TMIGD3: variants seen among roughly 807,000 people sequenced by gnomAD.
TMIGD3 encodes transmembrane and immunoglobulin domain containing 3, also known as AD026 protein (AD026).
In TMIGD3, 21 loss-of-function variants were observed where a neutral mutation model predicts 28.1. The ratio of observed to expected loss-of-function variants is 0.75; its 90% CI spans 0.53 to 1.08. The LOEUF (loss-of-function observed/expected upper bound fraction) is 1.08, where lower values mean the gene tolerates loss of function less well. TMIGD3 is among the 50% of genes least tolerant of loss of function. TMIGD3 has a pLI of 0.00. For missense variants in TMIGD3, 416 were observed against 435.6 expected (o/e 0.96, Z 0.40); for synonymous variants, 151 against 162.1 (o/e 0.93, Z 0.52).
At chr1:111,515,756 G>T (rs1655841058) in intron 1 of TMIGD3, among the ~76,000 whole-genome samples, 2 of 152,202 alleles carry the variant, frequency 1.3e-5, no homozygotes, top group Non-Finnish European at 2.9e-5. Flanking sequence ...ACTGCGGCTG[G>T]TGGAGGGGGC....
chr1:111,510,325 A>G (rs1280086692), intron 1 of TMIGD3, among the ~76,000 whole-genome samples: 4 of 152,098 alleles, frequency 2.6e-5, no homozygotes, highest in African/African-American at 9.7e-5. Context: ...TCTGCTTTGT[A>G]TGAAAGGTTA....
chr1:111,531,058 G>C (rs1656441926), intron 1 of TMIGD3, among the ~76,000 whole-genome samples: 2 of 152,146 alleles, frequency 1.3e-5, no homozygotes, highest in Admixed American at 6.5e-5. Flanking sequence ...CAGATAGGTT[G>C]CTTGAGCTCA....
Position 111,529,364 on chromosome 1 carries a change from CT to C in TMIGD3, c.107+34481del, listed in dbSNP as rs201030727. 7.1e-3 allele frequency among the ~76,000 whole-genome samples: 965 copies of C among 135,622 alleles called. 8 individuals are homozygous for C. Among genetic ancestry groups the C allele is most frequent in the African/African-American group, 0.023 (899 of 39,712 alleles). 89.0% of individuals were successfully genotyped at this position (135,622 alleles called of 152,430 possible). On this transcript the variant is annotated intron_variant, in intron 1 of 5. Transcript: ENST00000369717. ...TCAACCCCATGGATACAATTTCTTT[CT>C]TTCTTTCTTTCTTTTTTTTTTAATT...
intron 1 of TMIGD3, among the ~76,000 whole-genome samples, chr1:111,553,630 C>T (rs1484185180): frequency 6.6e-6 from 1 of 152,192 alleles, no homozygotes; most frequent in Non-Finnish European, 1.5e-5. Flanking sequence ...CTCCTTCCTA[C>T]CTACTCAGCT....
chr1:111,500,478 C>T, intron 1 of TMIGD3: 1 of 1,614,154 alleles, frequency 6.2e-7, no homozygotes, highest in Non-Finnish European at 8.5e-7. Context: ...ACATGGGGGT[C>T]AATCCCACCA....
In TMIGD3 at chr1:111,500,441, C is replaced by T. The variant is rs1303350527; in HGVS notation, c.350+2564G>A. 3 of 1,614,204 alleles carry T rather than the reference C, an allele frequency of 1.9e-6. No individual in the cohort carries two copies. The East Asian group carries it at 6.7e-5, about 36-fold the overall frequency. ...AGGAAGGTGACATTTCTGTGGTACT[C>T]TGAGGTCAGTTTCATGTTCCAGCCA... On this transcript the variant is annotated intron_variant, in intron 1 of 5. Transcript: ENST00000369716.
In TMIGD3 at chr1:111,503,076, A is replaced by T; in HGVS notation, c.279T>A (p.Phe93Leu). Residue 93 changes from phenylalanine (F) to leucine (L), a missense_variant, in exon 1 of 6, where the codon TTT becomes TTA. Transcript: ENST00000369716. ...GCAAGGACATGATGGAGGCGTGGGT[A>T]AAGATAAGCAGTAGGCAAGTCATAA... ...CLFMTCLLLI[F>L]THASIMSLLA... The T allele has an allele frequency of 6.2e-7, 1 of 1,614,204 alleles. No homozygotes were observed. The highest frequency in any genetic ancestry group is 8.5e-7 in the Non-Finnish European group (1 of 1,180,028).
chr1:111,499,772 A>G, intron 1 of TMIGD3: 1 of 1,430,730 alleles, frequency 7.0e-7, no homozygotes, highest in South Asian at 1.5e-5. Context: ...GGAAAAATGA[A>G]GTGGAGGAAG....
At chr1:111,529,863 C>T (rs1352736998) in intron 1 of TMIGD3, among the ~76,000 whole-genome samples, 4 of 152,028 alleles carry the variant, frequency 2.6e-5, no homozygotes, top group East Asian at 3.9e-4. Flanking sequence ...CATCATGGCC[C>T]GTTCTCAATG....
At chr1:111,500,234 C>G (rs910703871) in intron 1 of TMIGD3, 6 of 1,614,150 alleles carry the variant, frequency 3.7e-6, no homozygotes, top group Non-Finnish European at 5.1e-6. Context: ...GTCTTGAACT[C>G]CCGTCCATAA....
intron 1 of TMIGD3, among the ~76,000 whole-genome samples, chr1:111,496,484 C>T (rs1317867376): frequency 3.9e-5 from 6 of 152,226 alleles, no homozygotes; most frequent in Admixed American, 3.9e-4. Flanking sequence ...AAACCCAACT[C>T]AGTGCAAACA....
chr1:111,498,042 C>T (rs1654974719), intron 1 of TMIGD3, among the ~76,000 whole-genome samples: 2 of 152,132 alleles, frequency 1.3e-5, no homozygotes, highest in South Asian at 2.1e-4. Flanking sequence ...CCTGGAAGTG[C>T]CTTTTAAATA....
intron 1 of TMIGD3, among the ~76,000 whole-genome samples, chr1:111,525,763 CAG>C (rs1254225593): frequency 1.3e-5 from 2 of 152,142 alleles, no homozygotes; most frequent in East Asian, 1.9e-4. Context: ...ACCCAGGAGG[CAG>C]AGTCAGGAGA....
At chr1:111,506,962 T>TAC (rs1159817927), upstream of TMIGD3, among the ~76,000 whole-genome samples, 10 of 146,752 alleles carry the variant, frequency 6.8e-5, no homozygotes, top group South Asian at 2.1e-4. Flanking sequence ...CACATATATA[T>TAC]ATACACACAC....
At chr1:111,540,149 T>C (rs1390938285) in intron 1 of TMIGD3, among the ~76,000 whole-genome samples, 1 of 152,258 alleles carries the variant, frequency 6.6e-6, no homozygotes, top group Non-Finnish European at 1.5e-5. Context: ...TTTGTTAACT[T>C]GGTTAAAATG....
intron 1 of TMIGD3, among the ~76,000 whole-genome samples, chr1:111,549,832 T>C (rs1657190516): frequency 6.6e-6 from 1 of 152,062 alleles, no homozygotes; most frequent in African/African-American, 2.4e-5. Flanking sequence ...TTAAATTTTT[T>C]TGTAGAGACA....
chr1:111,538,541 A>T (rs1656717405), intron 1 of TMIGD3, among the ~76,000 whole-genome samples: 1 of 152,058 alleles, frequency 6.6e-6, no homozygotes, highest in South Asian at 2.1e-4. Flanking sequence ...ACCACTATTC[A>T]TTTTGTCCTA....
At chr1:111,502,106 T>G (rs12126471) in intron 1 of TMIGD3, among the ~76,000 whole-genome samples, 2 of 28,048 alleles carry the variant, frequency 7.1e-5, no homozygotes, top group African/African-American at 1.6e-4. Flanking sequence ...AGATATATAT[T>G]TAATATAATA....
At chr1:111,504,719 C>A (rs762797811), upstream of TMIGD3, 1 of 251,530 alleles carries the variant, frequency 4.0e-6, no homozygotes, top group African/African-American at 2.3e-5. Flanking sequence ...CTAACAAACA[C>A]TTCAGAGTGG....
Sources: allele counts gnomAD v4.1 joint callset (sites outside exome capture counted in the v4.1 genomes callset), GRCh38; gene constraint gnomAD v4.1.1; transcripts MANE v1.5; gene names NCBI Gene and HGNC (gene_info 2026-07-23, HGNC 2026-07-21).